The following SSBP3 variants were observed in gnomAD, a reference collection of about 807,000 sequenced individuals.
SSBP3 encodes the protein single stranded DNA binding protein 3.
In SSBP3, 5 loss-of-function variants were observed where a neutral mutation model predicts 69.6. That is an observed-to-expected ratio of 0.07 (90% CI 0.04 to 0.15). The LOEUF is 0.15. Ranked by LOEUF, SSBP3 falls within the 10% of genes least tolerant of loss-of-function variation. The pLI is 1.00. For synonymous variants in SSBP3, 196 were observed against 193.4 expected, an observed-to-expected ratio of 1.01 and a Z score of -0.11; for missense variants, 312 against 534.0, an observed-to-expected ratio of 0.58 and a Z score of 4.10.
chr1:54,248,337 G>C (rs1041260395), intron 9 of SSBP3, among the ~76,000 whole-genome samples: 1 of 152,180 alleles, frequency 6.6e-6, no homozygotes, highest in African/African-American at 2.4e-5. Context: ...CTGCGGGAAG[G>C]GGAAGGGATC....
intron 4 of SSBP3, among the ~76,000 whole-genome samples, chr1:54,354,870 C>A (rs1646838862): frequency 6.6e-6 from 1 of 152,174 alleles, no homozygotes; most frequent in Non-Finnish European, 1.5e-5. Flanking sequence ...TCTGTACATG[C>A]CATCTACCCA....
chr1:54,257,518 G>GA (rs1362350190), intron 6 of SSBP3, among the ~76,000 whole-genome samples: 2 of 152,152 alleles, frequency 1.3e-5, no homozygotes, highest in Non-Finnish European at 2.9e-5. Context: ...AAGGGCAAAT[G>GA]AAAGGGTAAG....
Position 54,242,318 on chromosome 1 carries a change from C to A in SSBP3, c.717-106G>T. 2.8e-5 allele frequency: 38 copies of A among 1,345,992 alleles called. 2 individuals carry two copies. In the South Asian group the frequency reaches 4.5e-4, roughly 16 times the overall value. The allele number at this position is 1,345,992 out of a possible 1,614,324, so 83.4% of individuals were successfully genotyped here. On this transcript the variant is annotated intron_variant, in intron 10 of 17. Transcript: ENST00000610401. ...AAGGGCTGAAATCACAACAGGAAGT[C>A]CTTCCTACAGCCCTGCGGTTTAGAG...
exon 18 of SSBP3, chr1:54,227,141 A>G (rs1172461874): frequency 7.5e-7 from 1 of 1,329,686 alleles, no homozygotes; most frequent in Non-Finnish European, 1.0e-6. Flanking sequence ...TCACACACTC[A>G]TCGTCATGCT....
chr1:54,313,662 G>C (rs545310559), intron 4 of SSBP3, among the ~76,000 whole-genome samples: 1 of 152,176 alleles, frequency 6.6e-6, no homozygotes, highest in South Asian at 2.1e-4. Flanking sequence ...GCCGTAGGCT[G>C]CCCATCACTT....
At chr1:54,355,450 G>A (rs1205544899) in intron 4 of SSBP3, among the ~76,000 whole-genome samples, 3 of 152,142 alleles carry the variant, frequency 2.0e-5, no homozygotes, top group Admixed American at 1.3e-4. Context: ...TCTGGTTCAA[G>A]CGATTCTCCC....
At chr1:54,269,256 C>T (rs1645152752) in intron 5 of SSBP3, among the ~76,000 whole-genome samples, 1 of 152,180 alleles carries the variant, frequency 6.6e-6, no homozygotes, top group South Asian at 2.1e-4. Context: ...CCACCCAATG[C>T]TGGGTGCTCT....
chr1:54,360,414 T>A (rs17110479), intron 4 of SSBP3, among the ~76,000 whole-genome samples: 34,676 of 152,130 alleles, frequency 0.23, 4,675 homozygotes, highest in African/African-American at 0.37. Flanking sequence ...AAACAAATTC[T>A]CTGTCCAATC....
intron 4 of SSBP3, among the ~76,000 whole-genome samples, chr1:54,378,315 T>G (rs556210789): frequency 6.6e-6 from 1 of 152,248 alleles, no homozygotes; most frequent in South Asian, 2.1e-4. Context: ...ATTAAGACAA[T>G]CATGTAACAA....
At chr1:54,351,654 G>C (rs987210260) in intron 4 of SSBP3, among the ~76,000 whole-genome samples, 1 of 152,156 alleles carries the variant, frequency 6.6e-6, no homozygotes, top group Non-Finnish European at 1.5e-5. Flanking sequence ...TTCCTCTGGC[G>C]TGTGGGATAT....
At chr1:54,338,196 T>G (rs1022738060) in intron 4 of SSBP3, among the ~76,000 whole-genome samples, 5 of 152,226 alleles carry the variant, frequency 3.3e-5, no homozygotes, top group Non-Finnish European at 1.5e-5. Flanking sequence ...TCTCCTGTGT[T>G]CACAGCCTCG....
intron 5 of SSBP3, among the ~76,000 whole-genome samples, chr1:54,274,480 G>C (rs1023862090): frequency 1.3e-5 from 2 of 152,168 alleles, no homozygotes; most frequent in African/African-American, 4.8e-5. Context: ...GGCAGCCCCA[G>C]GTAAGGCGTC....
At chr1:54,346,597 G>A (rs1349007420) in intron 4 of SSBP3, among the ~76,000 whole-genome samples, 2 of 151,968 alleles carry the variant, frequency 1.3e-5, no homozygotes, top group Admixed American at 6.6e-5. Context: ...GGTGGATCAC[G>A]AGGTCAGGAG....
chr1:54,225,559 G>C (rs1477178837), exon 18 of SSBP3: 1 of 605,744 alleles, frequency 1.7e-6, no homozygotes, highest in Non-Finnish European at 2.4e-6. Context: ...AAAAAACACA[G>C]AAACAGCTAC....
intron 13 of SSBP3, among the ~76,000 whole-genome samples, chr1:54,240,093 CGCGCGCGTGT>C (rs1557448848): frequency 1.9e-4 from 4 of 21,248 alleles, no homozygotes; most frequent in Non-Finnish European, 3.2e-4. Flanking sequence ...TGTGTGCGCG[CGCGCGCGTGT>C]GCGTGCGCGC....
chr1:54,350,777 A>G (rs1226435709), intron 4 of SSBP3, among the ~76,000 whole-genome samples: 1 of 152,182 alleles, frequency 6.6e-6, no homozygotes, highest in Non-Finnish European at 1.5e-5. Context: ...TCCAAAAATC[A>G]TATCAACGTG....
At chr1:54,384,506 G>T (rs1244307734) in intron 4 of SSBP3, among the ~76,000 whole-genome samples, 1 of 152,242 alleles carries the variant, frequency 6.6e-6, no homozygotes, top group East Asian at 1.9e-4. Context: ...GACCCACCAT[G>T]GGCTCTGCCC....
intron 4 of SSBP3, among the ~76,000 whole-genome samples, chr1:54,329,255 A>G (rs1000182725): frequency 1.3e-5 from 2 of 152,064 alleles, no homozygotes; most frequent in Non-Finnish European, 2.9e-5. Context: ...TACTTTTTTT[A>G]AAGGGCTGTT....
At chr1:54,301,796 GT>G (rs1440520692) in intron 4 of SSBP3, among the ~76,000 whole-genome samples, 1 of 151,918 alleles carries the variant, frequency 6.6e-6, no homozygotes, top group Admixed American at 6.5e-5. Flanking sequence ...CTTCACCACA[GT>G]GCTACAATTA....
Sources: allele counts gnomAD v4.1 joint callset (sites outside exome capture counted in the v4.1 genomes callset), GRCh38; gene constraint gnomAD v4.1.1; transcripts MANE v1.5; gene names NCBI Gene and HGNC (gene_info 2026-07-23, HGNC 2026-07-21).